PTPRN2: variants seen among roughly 807,000 people sequenced by gnomAD.
The protein encoded by PTPRN2 is receptor-type tyrosine-protein phosphatase N2.
In PTPRN2, 74 loss-of-function variants were observed where a neutral mutation model predicts 118.8. The ratio of observed to expected loss-of-function variants is 0.62; its 90% CI spans 0.52 to 0.76. PTPRN2 has a LOEUF of 0.76. PTPRN2 is among the 30% of genes least tolerant of loss of function. The pLI, the probability that PTPRN2 is intolerant of heterozygous loss-of-function variation, is 0.00. For synonymous variants in PTPRN2, 641 were observed against 608.0 expected, an observed-to-expected ratio of 1.05 and a Z score of -0.80; for missense variants, 1,481 against 1,394.4, an observed-to-expected ratio of 1.06 and a Z score of -0.99.
chr7:158,565,459 G>C lies in PTPRN2; in HGVS notation c.112+22099C>G, dbSNP rs1280497525. On this transcript the variant is annotated intron_variant, in intron 1 of 22. Coordinates refer to ENST00000389418, the MANE Select transcript of PTPRN2 (RefSeq NM_002847.5). The surrounding 1 kb of genome is among the most constrained non-coding windows in gnomAD (Gnocchi z 4.6). ...CACAGGCCATCTGGACACCACCTCT[G>C]CTGAGCACAAAGGTGGACGTGTCCC... Among the ~76,000 whole-genome samples the C allele has an allele frequency of 3.9e-5, 6 of 152,148 alleles. No individual in the cohort carries two copies. The highest frequency in any genetic ancestry group is 6.5e-5 in the Admixed American group (1 of 15,278).
intron 12 of PTPRN2, among the ~76,000 whole-genome samples, chr7:157,776,246 T>TCTCCCTCTCTTCCTC (rs1803224294): frequency 1.5e-5 from 1 of 66,260 alleles, no homozygotes; most frequent in Non-Finnish European, 3.1e-5. Context: ...TCCTCCCTCC[T>TCTCCCTCTCTTCCTC]CTCCCTCTCC....
chr7:158,262,475 T>C (rs960220524), intron 3 of PTPRN2, among the ~76,000 whole-genome samples: 3 of 124,082 alleles, frequency 2.4e-5, no homozygotes, highest in African/African-American at 9.7e-5. Context: ...ACTGCAAACA[T>C]TCACGCTGCA....
At chr7:157,825,445 C>T (rs1178502077) in intron 12 of PTPRN2, among the ~76,000 whole-genome samples, 1 of 152,192 alleles carries the variant, frequency 6.6e-6, no homozygotes, top group Non-Finnish European at 1.5e-5. Flanking sequence ...AATGAAAGTG[C>T]ATTTCCAGCT....
At chr7:157,924,872 G>A (rs1034500477) in intron 11 of PTPRN2, among the ~76,000 whole-genome samples, 3 of 150,886 alleles carry the variant, frequency 2.0e-5, no homozygotes, top group Non-Finnish European at 3.0e-5. Flanking sequence ...TAGCACGTCA[G>A]GCAAATGCAG....
intron 5 of PTPRN2, among the ~76,000 whole-genome samples, chr7:158,175,685 T>C (rs1824126633): frequency 6.6e-6 from 1 of 152,080 alleles, no homozygotes; most frequent in African/African-American, 2.4e-5. Flanking sequence ...GCAGCCAAGG[T>C]ATAGAGCTCT....
Position 158,046,330 on chromosome 7 carries a change from G to A in PTPRN2, c.1723+34968C>T, listed in dbSNP as rs375469035. ...TGCGATCCTGGCATCCTGACACTGCGATCCTGGTGTCCTGACACTGCCTTG... is the reference window on the plus strand; with the variant it reads ...TGCGATCCTGGCATCCTGACACTGCAATCCTGGTGTCCTGACACTGCCTTG... On this transcript the variant is annotated intron_variant, in intron 11 of 22. Transcript: ENST00000389418. 4.3e-3 allele frequency among the ~76,000 whole-genome samples: 542 copies of A among 126,616 alleles called. 1 individual carries two copies. The highest frequency in any genetic ancestry group is 0.015 in the African/African-American group (498 of 32,852). 83.1% of individuals were successfully genotyped at this position (126,616 alleles called of 152,430 possible).
intron 2 of PTPRN2, among the ~76,000 whole-genome samples, chr7:158,455,314 C>T (rs1800720824): frequency 8.1e-3 from 2 of 248 alleles, no homozygotes; most frequent in Admixed American, 0.091. Context: ...CGGACGCCAT[C>T]GGCCACGGCC....
intron 1 of PTPRN2, among the ~76,000 whole-genome samples, chr7:158,557,493 T>A (rs1827121086): frequency 2.0e-5 from 3 of 152,274 alleles, no homozygotes; most frequent in Admixed American, 2.0e-4. Flanking sequence ...CAGTCGCTTC[T>A]TGGCCCTGCA....
Position 157,764,820 on chromosome 7 carries a change from GGA to G in PTPRN2, c.1789-81885_1789-81884del, listed in dbSNP as rs1452649780. On this transcript the variant is annotated intron_variant, in intron 12 of 22. Coordinates refer to ENST00000389418, the MANE Select transcript of PTPRN2 (RefSeq NM_002847.5). The surrounding 1 kb of genome is among the most constrained non-coding windows in gnomAD (Gnocchi z 4.5). The stretch of plus-strand genomic sequence containing the variant: ...GAGCCGATTGTCTGTCCTACAGCTG[GGA>G]AATGATCCATCCTGCCATTCATCCA... 6.6e-6 allele frequency among the ~76,000 whole-genome samples: 1 copy of G among 152,026 alleles called. No homozygotes were observed. The highest frequency in any genetic ancestry group is 1.5e-5 in the Non-Finnish European group (1 of 67,998).
chr7:158,342,333 A>T (rs1187464423), intron 2 of PTPRN2, among the ~76,000 whole-genome samples: 9 of 141,508 alleles, frequency 6.4e-5, no homozygotes, highest in Non-Finnish European at 1.4e-4. Flanking sequence ...TCACCATAAG[A>T]GCTGACACCT....
Position 158,098,617 on chromosome 7 carries a change from C to T in PTPRN2, c.1643+12212G>A, listed in dbSNP as rs535759525. On this transcript the variant is annotated intron_variant, in intron 10 of 22. Transcript: ENST00000389418. ...GAAACCAGAGGCTCCCCGAGGCACACGCCTCCCTCGCCCGCCCCGGCCTGG... is the reference window on the plus strand; with the variant it reads ...GAAACCAGAGGCTCCCCGAGGCACATGCCTCCCTCGCCCGCCCCGGCCTGG... Among the ~76,000 whole-genome samples, 3 of 152,312 alleles carry T rather than the reference C, an allele frequency of 2.0e-5. No individual in the cohort carries two copies. The South Asian group carries it at 6.2e-4, about 32-fold the overall frequency.
At chr7:158,460,719 TC>T (rs1475369530) in intron 2 of PTPRN2, among the ~76,000 whole-genome samples, 8 of 150,646 alleles carry the variant, frequency 5.3e-5, no homozygotes, top group Non-Finnish European at 1.2e-4. Context: ...TCCTGCACGG[TC>T]CCATGGGAAA....
intron 1 of PTPRN2, among the ~76,000 whole-genome samples, chr7:158,512,648 C>A (rs1282378102): frequency 6.6e-6 from 1 of 152,094 alleles, no homozygotes; most frequent in Non-Finnish European, 1.5e-5. Flanking sequence ...ACACACCACG[C>A]CCAGCACTTG....
intron 11 of PTPRN2, among the ~76,000 whole-genome samples, chr7:157,952,195 C>A (rs1563268443): frequency 6.6e-6 from 1 of 152,202 alleles, no homozygotes; most frequent in Non-Finnish European, 1.5e-5. Flanking sequence ...CAGAGCCCCC[C>A]ACAGAATGTG....
chr7:158,502,659 A>G (rs993761870), intron 1 of PTPRN2, among the ~76,000 whole-genome samples: 2 of 152,258 alleles, frequency 1.3e-5, no homozygotes, highest in African/African-American at 4.8e-5. Flanking sequence ...CCAAACCTGG[A>G]CGTCACCACA....
intron 6 of PTPRN2, among the ~76,000 whole-genome samples, chr7:158,139,494 G>T (rs1396009761): frequency 7.0e-6 from 1 of 142,710 alleles, no homozygotes; most frequent in East Asian, 2.6e-4. Flanking sequence ...GGAGGGCACG[G>T]GGGGGTGGGA....
chr7:158,393,081 G>C (rs987842272), intron 2 of PTPRN2, among the ~76,000 whole-genome samples: 2 of 152,074 alleles, frequency 1.3e-5, no homozygotes, highest in African/African-American at 4.8e-5. Flanking sequence ...CTTTCCAGGG[G>C]CCTCTGCACC....
At chr7:157,725,421 G>T (rs1799506906) in intron 12 of PTPRN2, among the ~76,000 whole-genome samples, 4 of 89,624 alleles carry the variant, frequency 4.5e-5, no homozygotes, top group South Asian at 6.9e-4. Flanking sequence ...GAGTGAGCCA[G>T]ACCCTCGCCT....
intron 9 of PTPRN2, among the ~76,000 whole-genome samples, chr7:158,120,211 T>A (rs745363755): frequency 3.3e-5 from 5 of 152,076 alleles, no homozygotes; most frequent in Non-Finnish European, 7.4e-5. Flanking sequence ...TAGTGTTTAA[T>A]GGGGATGAAA....
Sources: allele counts gnomAD v4.1 joint callset (sites outside exome capture counted in the v4.1 genomes callset), GRCh38; gene constraint gnomAD v4.1.1; non-coding constraint Gnocchi (gnomAD v3.1); transcripts MANE v1.5; gene names NCBI Gene and HGNC (gene_info 2026-07-23, HGNC 2026-07-21).